Variants in MGAT3 observed in about 807,000 individuals in gnomAD.
MGAT3 encodes GlcNAc-T III.
MGAT3 carries 9 observed loss-of-function variants against 29.8 expected under a neutral mutation model. The ratio of observed to expected loss-of-function variants is 0.30; its 90% CI spans 0.18 to 0.53. The LOEUF (loss-of-function observed/expected upper bound fraction) is 0.53. Among genes scored for constraint, MGAT3 ranks in the 20% least tolerant of loss-of-function variants. MGAT3 has a pLI of 0.96. For synonymous variants in MGAT3, 397 were observed against 348.9 expected (o/e 1.14, Z -1.54); for missense variants, 557 against 769.5 (o/e 0.72, Z 3.27).
At chr22:39,466,318 C>G (rs1201917180) in intron 1 of MGAT3, among the ~76,000 whole-genome samples, 2 of 152,168 alleles carry the variant, frequency 1.3e-5, no homozygotes, top group South Asian at 2.1e-4. Flanking sequence ...GCACCAGGCA[C>G]TTCTACCAGA....
At chr22:39,486,688 A>G (rs1408275694) in intron 1 of MGAT3, among the ~76,000 whole-genome samples, 1 of 151,728 alleles carries the variant, frequency 6.6e-6, no homozygotes, top group Non-Finnish European at 1.5e-5. Flanking sequence ...TTCTGTAGAG[A>G]TGGGGTCTCA....
intron 1 of MGAT3, among the ~76,000 whole-genome samples, chr22:39,476,135 C>G: frequency 6.9e-6 from 1 of 144,812 alleles, no homozygotes; most frequent in Non-Finnish European, 1.5e-5. Flanking sequence ...GAGCTGGGAT[C>G]AGCTGATGGG....
chr22:39,466,404 C>T (rs1928647424), intron 1 of MGAT3, among the ~76,000 whole-genome samples: 1 of 152,200 alleles, frequency 6.6e-6, no homozygotes, highest in Admixed American at 6.5e-5. Context: ...AGGCCTGGAG[C>T]TCCTGGAATG....
rs568781520 is a variant in MGAT3 at position 39,487,820 on chromosome 22, G to A, written c.473G>A (p.Arg158His). 2 of 1,499,140 alleles carry A rather than the reference G, an allele frequency of 1.3e-6. No individual in the cohort carries two copies. The highest frequency in any genetic ancestry group is 1.4e-5 in the African/African-American group (1 of 71,872). 92.9% of individuals were successfully genotyped at this position (1,499,140 alleles called of 1,614,324 possible). A position where few individuals can be genotyped will look rare whatever the true frequency, so the allele number is the denominator to read the frequency against. ...CGGTACCTCCTGAGCGCCCGGGAGC[G>A]CACGGGGGGCCGAGGCGCCCGGCGC... The part of the protein sequence containing the change: ...PPRYLLSARE[R>H]TGGRGARRKW... The change falls in exon 2 of 2, where the codon CGC (arginine) becomes CAC (histidine). Residue 158 changes from arginine (R) to histidine (H), a missense_variant. Arg to His is a conservative substitution (Grantham distance 29). Coordinates refer to ENST00000341184, the MANE Select transcript of MGAT3 (RefSeq NM_002409.5). The surrounding 1 kb of genome is among the most constrained non-coding windows in gnomAD (Gnocchi z 5.7).
intron 1 of MGAT3, among the ~76,000 whole-genome samples, chr22:39,486,923 G>A (rs892958819): frequency 6.6e-6 from 1 of 152,140 alleles, no homozygotes; most frequent in Non-Finnish European, 1.5e-5. Flanking sequence ...AGGAGGGGAG[G>A]GACAGGACCC....
rs1928385418 is a variant in MGAT3 at position 39,457,955 on chromosome 22, G to A, written c.-2+398G>A. ...CTCCGGCGCGGCGCGGGGCTGGGGT[G>A]GGAGGCCTCCGCGCCCGCCTTCCCC... On this transcript the variant is annotated intron_variant, in intron 1 of 1. Coordinates refer to ENST00000341184, the MANE Select transcript of MGAT3 (RefSeq NM_002409.5). This position sits in a 1 kb window ranked among gnomAD's most constrained non-coding sequence, Gnocchi z 6.8. Among the ~76,000 whole-genome samples, 1 of 151,786 alleles carries A rather than the reference G, an allele frequency of 6.6e-6. No homozygotes were observed. Among genetic ancestry groups the A allele is most frequent in the South Asian group, 2.1e-4 (1 of 4,824 alleles).
chr22:39,487,895 G>A lies in MGAT3; in HGVS notation c.548G>A (p.Gly183Asp). The change falls in exon 2 of 2, where the codon GGC becomes GAC. Residue 183 changes from glycine (G) to aspartate (D), a missense_variant. This residue lies in a region of MGAT3 where 243 missense variants were observed against 444.0 expected (regional missense o/e 0.55). Transcript: ENST00000341184. The surrounding 1 kb of genome is among the most constrained non-coding windows in gnomAD (Gnocchi z 5.7). ...CLPGWHGPSC[G>D]VPTVVQYSNL... ...CCCGGCTGGCACGGACCCAGCTGCGGCGTGCCCACTGTGGTGCAGTACTCC... is the reference window on the plus strand; with the variant it reads ...CCCGGCTGGCACGGACCCAGCTGCGACGTGCCCACTGTGGTGCAGTACTCC... The A allele has an allele frequency of 6.3e-7, 1 of 1,584,592 alleles. No homozygotes were observed.
chr22:39,476,717 A>G (rs1006212660), intron 1 of MGAT3: 10 of 152,040 alleles, frequency 6.6e-5, no homozygotes, highest in Admixed American at 5.2e-4. Flanking sequence ...TTTCATTCCC[A>G]TCAGCTGTGT....
chr22:39,466,943 G>A lies in MGAT3; in HGVS notation c.-2+9386G>A, dbSNP rs1261093433. Among the ~76,000 whole-genome samples, 4 of 152,312 alleles carry A rather than the reference G, an allele frequency of 2.6e-5. No homozygotes were observed. In the East Asian group the frequency reaches 7.7e-4, roughly 29 times the overall value. ...TGTGCCCGGTACAGAGCACTCATCT[G>A]TCCATCCGTTCTTTCAGCAATTACT... On this transcript the variant is annotated intron_variant, in intron 1 of 1. Coordinates refer to ENST00000341184, the MANE Select transcript of MGAT3 (RefSeq NM_002409.5).
At chr22:39,470,247 G>C (rs1210269367) in intron 1 of MGAT3, among the ~76,000 whole-genome samples, 1 of 152,210 alleles carries the variant, frequency 6.6e-6, no homozygotes, top group Non-Finnish European at 1.5e-5. Flanking sequence ...TGCGGGCGGG[G>C]GCAGCACTTC....
chr22:39,465,472 C>T (rs1345532509), intron 1 of MGAT3, among the ~76,000 whole-genome samples: 1 of 152,178 alleles, frequency 6.6e-6, no homozygotes, highest in East Asian at 1.9e-4. Context: ...TCAGTGAAAC[C>T]ATGTGTGTAA....
rs909925516 is a variant in MGAT3, at chr22:39,457,184, C to T, written c.-375C>T. ...GGAGGGGGCGGGGTGGGGGCCGGAG[C>T]CGCTTGAGCCGGCGGGAGCGGGCAC... On this transcript the variant is annotated 5_prime_UTR_variant, in exon 1 of 2. Transcript: ENST00000341184. The surrounding 1 kb of genome is among the most constrained non-coding windows in gnomAD (Gnocchi z 6.8). 6.9e-6 allele frequency among the ~76,000 whole-genome samples: 1 copy of T among 144,940 alleles called. No individual in the cohort carries two copies. Among genetic ancestry groups the T allele is most frequent in the Non-Finnish European group, 1.5e-5 (1 of 65,306 alleles).
chr22:39,458,591 A>G (rs1261532088), intron 1 of MGAT3, among the ~76,000 whole-genome samples: 1 of 152,116 alleles, frequency 6.6e-6, no homozygotes, highest in Non-Finnish European at 1.5e-5. Context: ...GGGGGTTTTC[A>G]GTCTAAGGAG....
In MGAT3 at chr22:39,488,457, G is replaced by A; in HGVS notation, c.1110G>A (p.Leu370=). The stretch of plus-strand genomic sequence containing the variant: ...TGTCAGGCTGCACGGTGGACATGCT[G>A]CAGGCAGTGTATGGGCTGGACGGCA... ...EVVSGCTVDM[L]QAVYGLDGIR... is the part of the protein sequence containing the mutation. Residue 370 remains leucine (L), a synonymous_variant, in exon 2 of 2, where the codon CTG becomes CTA. Coordinates refer to ENST00000341184, the MANE Select transcript of MGAT3 (RefSeq NM_002409.5). 6.2e-7 allele frequency: 1 copy of A among 1,612,904 alleles called. No homozygotes were observed.
At position 39,490,808 on chromosome 22, in the gene MGAT3, G is replaced by A. The variant is rs1282753083; in HGVS notation, c.*1859G>A. ...TGTAAATACATGCTTGTGTATGGATGGAAGAGGCCAGGCCCAGGCCTGGCC... is the reference window on the plus strand; with the variant it reads ...TGTAAATACATGCTTGTGTATGGATAGAAGAGGCCAGGCCCAGGCCTGGCC... On this transcript the variant is annotated 3_prime_UTR_variant, in exon 2 of 2. Coordinates refer to ENST00000341184, the MANE Select transcript of MGAT3 (RefSeq NM_002409.5). 6.6e-5 allele frequency: 11 copies of A among 166,472 alleles called. No individual in the cohort carries two copies. The highest frequency in any genetic ancestry group is 2.1e-4 in the South Asian group (1 of 4,794). 10.3% of individuals were successfully genotyped at this position (166,472 alleles called of 1,614,324 possible).
At position 39,490,745 on chromosome 22, in the gene MGAT3, T is replaced by G. The variant is rs187800094; in HGVS notation, c.*1796T>G. On this transcript the variant is annotated 3_prime_UTR_variant, in exon 2 of 2. Coordinates refer to ENST00000341184, the MANE Select transcript of MGAT3 (RefSeq NM_002409.5). ...TATATTTATGGGCATGGGTGCATGC[T>G]TGGTGTGTATTTGTACATGTCTGTA... is the stretch of plus-strand genomic sequence containing the variant. 5.2e-4 allele frequency: 87 copies of G among 167,104 alleles called. No homozygotes were observed. The East Asian group carries it at 0.016, about 31-fold the overall frequency. The allele number at this position is 167,104 out of a possible 1,614,324, so 10.4% of individuals were successfully genotyped here.
At chr22:39,480,144 G>C (rs976711150) in intron 1 of MGAT3, among the ~76,000 whole-genome samples, 9 of 152,330 alleles carry the variant, frequency 5.9e-5, no homozygotes, top group African/African-American at 2.2e-4. Context: ...GCTTGGGGCA[G>C]AGGCAGGTGC....
rs1309944195 is a variant in MGAT3 at position 39,487,141 on chromosome 22, C to T, written c.-1-206C>T. Among the ~76,000 whole-genome samples, 1 of 152,128 alleles carries T rather than the reference C, an allele frequency of 6.6e-6. No homozygotes were observed. Among genetic ancestry groups the T allele is most frequent in the Non-Finnish European group, 1.5e-5 (1 of 68,016 alleles). Reference sequence around the variant, plus strand: ...GGATCTCAGGGAAGGGCTATGGGAGCACGGCGGTGTCCTCAGTGCTGGGGC... The same window carrying T: ...GGATCTCAGGGAAGGGCTATGGGAGTACGGCGGTGTCCTCAGTGCTGGGGC... On this transcript the variant is annotated intron_variant, in intron 1 of 1. Coordinates refer to ENST00000341184, the MANE Select transcript of MGAT3 (RefSeq NM_002409.5). The surrounding 1 kb of genome is among the most constrained non-coding windows in gnomAD (Gnocchi z 5.7).
At chr22:39,459,834 C>T (rs1928447361) in intron 1 of MGAT3, among the ~76,000 whole-genome samples, 1 of 152,200 alleles carries the variant, frequency 6.6e-6, no homozygotes, top group African/African-American at 2.4e-5. Context: ...GGCACCTGAG[C>T]AGCACTCAAG....
Sources: gnomAD v4.1 joint callset for allele counts (sites outside exome capture counted in the v4.1 genomes callset) on GRCh38, gnomAD v4.1.1 for gene constraint, gnomAD v4.1.1 regional missense constraint, Gnocchi (gnomAD v3.1) non-coding constraint, MANE v1.5 for transcripts, NCBI Gene and HGNC (gene_info 2026-07-23, HGNC 2026-07-21) for gene names.